The following ACSM4 variants were observed in gnomAD, a reference collection of about 807,000 sequenced individuals.
The protein encoded by ACSM4 is acyl-coenzyme A synthetase ACSM4, mitochondrial.
ACSM4 carries 66 observed loss-of-function variants against 73.0 expected under a neutral mutation model. That is an observed-to-expected ratio of 0.90 (90% CI 0.74 to 1.11). The LOEUF (loss-of-function observed/expected upper bound fraction) is 1.11. Among genes scored for constraint, ACSM4 ranks in the 50% least tolerant of loss-of-function variants. The probability of loss-of-function intolerance (pLI) is 0.00; values close to 1 mark genes in which losing one functional copy is unlikely to be tolerated. For synonymous variants in ACSM4, 222 were observed against 254.0 expected (o/e 0.87, Z 1.20); for missense variants, 645 against 714.4 (o/e 0.90, Z 1.11).
chr12:7,317,778 T>C (rs2136332772), intron 4 of ACSM4, among the ~76,000 whole-genome samples: 1 of 152,280 alleles, frequency 6.6e-6, no homozygotes, highest in African/African-American at 2.4e-5. Flanking sequence ...CAAGTATTTG[T>C]TGCATCAATG....
chr12:7,326,911 T>C, intron 11 of ACSM4, 65 bp from the exon 12 acceptor site: 2 of 1,495,566 alleles, frequency 1.3e-6, no homozygotes, highest in Non-Finnish European at 1.8e-6. Context: ...TGTTCAGCAT[T>C]TGTTGCAAAT....
At position 7,317,150 on chromosome 12, in the gene ACSM4, G is replaced by A; in HGVS notation, c.634G>A (p.Glu212Lys). The A allele has an allele frequency of 6.2e-7, 1 of 1,611,844 alleles. No individual in the cohort carries two copies. The highest frequency in any genetic ancestry group is 8.5e-7 in the Non-Finnish European group (1 of 1,179,114). Residue 212 changes from glutamate (E) to lysine (K), a missense_variant, in exon 4 of 13, where the codon GAG becomes AAG. Glu to Lys is a moderately conservative substitution (Grantham distance 56). Coordinates refer to ENST00000399422, the MANE Select transcript of ACSM4 (RefSeq NM_001080454.2). ...FQELFQFASE[E>K]HSCVETGSQE... ...CATATTTTGCAGATTCGCCTCTGAA[G>A]AGCACAGCTGTGTGGAAACAGGAAG...
rs146709106 is a variant in ACSM4, at chr12:7,319,053, C to T, written c.921+871C>T. On this transcript the variant is annotated intron_variant, in intron 5 of 12. Coordinates refer to ENST00000399422, the MANE Select transcript of ACSM4 (RefSeq NM_001080454.2). Reference sequence around the variant, plus strand: ...ATTATTATTAAATTATAATGTATAACGAAATAATTATACAAGTCACCATAA... The same window carrying T: ...ATTATTATTAAATTATAATGTATAATGAAATAATTATACAAGTCACCATAA... Among the ~76,000 whole-genome samples, 337 of 152,102 alleles carry T rather than the reference C, an allele frequency of 2.2e-3. 2 individuals carry two copies. Among genetic ancestry groups the T allele is most frequent in the African/African-American group, 7.5e-3 (309 of 41,466 alleles).
intron 3 of ACSM4, among the ~76,000 whole-genome samples, chr12:7,316,481 T>C (rs886177165): frequency 1.3e-5 from 2 of 152,218 alleles, no homozygotes; most frequent in African/African-American, 4.8e-5. Context: ...AACTGCATCA[T>C]GTGCCCAATC....
intron 3 of ACSM4, 77 bp from the exon 4 acceptor site, chr12:7,317,060 G>C (rs1946425241): frequency 6.7e-7 from 1 of 1,497,648 alleles, no homozygotes; most frequent in Non-Finnish European, 9.0e-7. Context: ...GAGGGCATAA[G>C]TAGTTGAGCA....
At chr12:7,328,233 G>T in intron 12 of ACSM4, 54 bp from the exon 13 acceptor site, 1 of 1,376,760 alleles carries the variant, frequency 7.3e-7, no homozygotes, top group South Asian at 1.3e-5. Context: ...CTATCGCACG[G>T]ACAATTGGAA....
chr12:7,324,267 T>C lies in ACSM4; in HGVS notation c.1309-6T>C. 1 of 1,611,444 alleles carries C rather than the reference T, an allele frequency of 6.2e-7. No homozygotes were observed. Among genetic ancestry groups the C allele is most frequent in the Non-Finnish European group, 8.5e-7 (1 of 1,179,220 alleles). On this transcript the variant is annotated splice_region_variant and splice_polypyrimidine_tract_variant and intron_variant, in intron 9 of 12. Transcript: ENST00000399422. ...CTAATCCCCAAATGTCATCCTTGGTTCCCAGGACAATCCACAGAAAACTGC... is the reference window on the plus strand; with the variant it reads ...CTAATCCCCAAATGTCATCCTTGGTCCCCAGGACAATCCACAGAAAACTGC...
chr12:7,323,601 TG>T (rs1946481425), intron 9 of ACSM4, 41 bp downstream of exon 9: 2 of 1,549,612 alleles, frequency 1.3e-6, no homozygotes, highest in Non-Finnish European at 1.8e-6. Flanking sequence ...AATACAGACT[TG>T]GGTTCAAATT....
rs535029382 is a variant in ACSM4, at chr12:7,317,353, T to C, written c.764+73T>C. On this transcript the variant is annotated intron_variant, in intron 4 of 12. Coordinates refer to ENST00000399422, the MANE Select transcript of ACSM4 (RefSeq NM_001080454.2). ...CGAATATGCGTATCCAACTAACTGA[T>C]ACTTCTCCTTGAATTGCTATAAGAT... The C allele has an allele frequency of 4.3e-5, 63 of 1,454,186 alleles. 1 individual carries two copies. The highest frequency in any genetic ancestry group is 2.5e-4 in the South Asian group (17 of 69,060). The allele number at this position is 1,454,186 out of a possible 1,614,324, so 90.1% of individuals were successfully genotyped here.
At chr12:7,321,338 A>G (rs1027037872) in intron 6 of ACSM4, among the ~76,000 whole-genome samples, 2 of 152,374 alleles carry the variant, frequency 1.3e-5, no homozygotes, top group Non-Finnish European at 2.9e-5. Flanking sequence ...ATGAACATCC[A>G]GTAGAGTTGC....
At chr12:7,318,339 G>C (rs1190345350) in intron 5 of ACSM4, 157 bp downstream of exon 5, 1 of 862,474 alleles carries the variant, frequency 1.2e-6, no homozygotes, top group South Asian at 2.1e-5. Context: ...CTTTTGAAAC[G>C]TATTTGACAG....
Position 7,317,257 on chromosome 12 carries a change from C to T in ACSM4, c.741C>T (p.Gly247=), listed in dbSNP as rs1370136284. ...CCCAGCACTCTCAGAGCAGCCTCGG[C>T]ATTGGGTTCACCCTCTGCGGAAGGT... ...KMAQHSQSSL[G]IGFTLCGRYW... Residue 247 remains glycine (G), a synonymous_variant, in exon 4 of 13, where the codon GGC becomes GGT. Transcript: ENST00000399422. The T allele has an allele frequency of 2.5e-6, 4 of 1,583,794 alleles. No homozygotes were observed.
At chr12:7,314,687 G>A (rs779299045) in intron 3 of ACSM4, among the ~76,000 whole-genome samples, 1 of 152,070 alleles carries the variant, frequency 6.6e-6, no homozygotes, top group Non-Finnish European at 1.5e-5. Context: ...TTTCCATACT[G>A]GATTGAGAAA....
chr12:7,320,386 G>C (rs536464890), intron 5 of ACSM4, among the ~76,000 whole-genome samples: 1 of 152,290 alleles, frequency 6.6e-6, no homozygotes, highest in Middle Eastern at 3.4e-3. Flanking sequence ...TTGGCAGGAG[G>C]TTACAAGATT....
At chr12:7,307,593 A>G (rs770561073) in intron 2 of ACSM4, among the ~76,000 whole-genome samples, 121 of 152,342 alleles carry the variant, frequency 7.9e-4, no homozygotes, top group Admixed American at 1.5e-3. Context: ...TCAATGACAC[A>G]CTTTCTCCCC....
chr12:7,312,913 T>C (rs983201396), intron 3 of ACSM4, among the ~76,000 whole-genome samples: 17 of 152,196 alleles, frequency 1.1e-4, no homozygotes, highest in African/African-American at 3.4e-4. Context: ...AGTAACATAC[T>C]TTTTAACATA....
chr12:7,307,316 C>T (rs774332470), intron 2 of ACSM4, among the ~76,000 whole-genome samples: 1 of 152,122 alleles, frequency 6.6e-6, no homozygotes, highest in Non-Finnish European at 1.5e-5. Flanking sequence ...TCTATTCAGT[C>T]ACAGCTAGAA....
chr12:7,328,539 T>C lies in ACSM4; in HGVS notation c.*166T>C. 4.7e-6 allele frequency: 2 copies of C among 421,896 alleles called. No individual in the cohort carries two copies. Among genetic ancestry groups the C allele is most frequent in the Middle Eastern group, 6.1e-4 (1 of 1,632 alleles). The allele number at this position is 421,896 out of a possible 1,614,324, so 26.1% of individuals were successfully genotyped here. A position where few individuals can be genotyped will look rare whatever the true frequency, so the allele number is the denominator to read the frequency against. On this transcript the variant is annotated 3_prime_UTR_variant, in exon 13 of 13. Coordinates refer to ENST00000399422, the MANE Select transcript of ACSM4 (RefSeq NM_001080454.2). The stretch of plus-strand genomic sequence containing the variant: ...CTTAGCTAAAAAGTTTAAAAGTAAA[T>C]AAAAGCCTCAAAAACGTATGGATGA...
At chr12:7,319,397 C>T (rs1016549403) in intron 5 of ACSM4, among the ~76,000 whole-genome samples, 2 of 152,040 alleles carry the variant, frequency 1.3e-5, no homozygotes, top group African/African-American at 4.8e-5. Context: ...CAAGACCAGC[C>T]TGGCCAAGAT....
Sources: gnomAD v4.1 joint callset for allele counts (sites outside exome capture counted in the v4.1 genomes callset) on GRCh38, gnomAD v4.1.1 for gene constraint, MANE v1.5 for transcripts, NCBI Gene and HGNC (gene_info 2026-07-23, HGNC 2026-07-21) for gene names.